The following GRM7 variants were observed in gnomAD, a reference collection of about 807,000 sequenced individuals.
GRM7 encodes the protein metabotropic glutamate receptor 7.
In GRM7, 35 loss-of-function variants were observed where a neutral mutation model predicts 84.5. The ratio of observed to expected loss-of-function variants is 0.41; its 90% CI spans 0.32 to 0.55. The LOEUF is 0.55. Ranked by LOEUF, GRM7 falls within the 20% of genes least tolerant of loss-of-function variation. The pLI, the probability that GRM7 is intolerant of heterozygous loss-of-function variation, is 0.19. For missense variants in GRM7, 1,003 were observed against 1,194.6 expected (o/e 0.84, Z 2.36); for synonymous variants, 487 against 455.1 (o/e 1.07, Z -0.89).
intron 8 of GRM7, among the ~76,000 whole-genome samples, chr3:7,665,168 C>CTTTTTTTT (rs34966790): frequency 3.9e-5 from 4 of 102,524 alleles, no homozygotes; most frequent in Admixed American, 1.0e-4. Context: ...GCCCATGATT[C>CTTTTTTTT]TTTTTTTTTT....
chr3:7,464,340 T>C (rs1018681943), intron 7 of GRM7, among the ~76,000 whole-genome samples: 12 of 152,130 alleles, frequency 7.9e-5, no homozygotes, highest in African/African-American at 2.7e-4. Flanking sequence ...AGAATCCCAA[T>C]TGGGATTATT....
intron 4 of GRM7, among the ~76,000 whole-genome samples, chr3:7,365,645 G>GTATATATA (rs201115893): frequency 1.1e-3 from 132 of 123,852 alleles, no homozygotes; most frequent in Admixed American, 3.7e-3. Flanking sequence ...GTGTGCGTGT[G>GTATATATA]TGTATATATA....
At chr3:7,464,451 A>G (rs563189916) in intron 7 of GRM7, among the ~76,000 whole-genome samples, 19 of 152,306 alleles carry the variant, frequency 1.2e-4, no homozygotes, top group Middle Eastern at 3.4e-3. Flanking sequence ...AACAATGTAA[A>G]CAACCTATAA....
At chr3:7,583,604 GT>G (rs1451127567) in intron 8 of GRM7, among the ~76,000 whole-genome samples, 8 of 152,260 alleles carry the variant, frequency 5.3e-5, no homozygotes, top group Non-Finnish European at 1.2e-4. Flanking sequence ...CTGTCATTGT[GT>G]GAAAACCAAT....
intron 1 of GRM7, among the ~76,000 whole-genome samples, chr3:6,971,130 G>C (rs1693736056): frequency 6.6e-6 from 1 of 151,118 alleles, no homozygotes; most frequent in Non-Finnish European, 1.5e-5. Context: ...CCGAGGGAGA[G>C]GATGCAAAAC....
At chr3:7,561,508 A>G (rs1382202417) in intron 7 of GRM7, 1 of 456,556 alleles carries the variant, frequency 2.2e-6, no homozygotes, top group South Asian at 1.5e-5. Context: ...GATAGAGACC[A>G]TTTGTGCCTG....
intron 1 of GRM7, among the ~76,000 whole-genome samples, chr3:6,888,247 T>G (rs1695782485): frequency 6.6e-6 from 1 of 152,168 alleles, no homozygotes; most frequent in Non-Finnish European, 1.5e-5. Flanking sequence ...TAGATCCCAT[T>G]TGTCAATTTT....
intron 8 of GRM7, among the ~76,000 whole-genome samples, chr3:7,669,646 A>G (rs1699843161): frequency 6.6e-6 from 1 of 152,202 alleles, no homozygotes; most frequent in Non-Finnish European, 1.5e-5. Flanking sequence ...CAGGGGATAG[A>G]AGCCTGACGA....
intron 2 of GRM7, among the ~76,000 whole-genome samples, chr3:7,178,024 G>C (rs778355714): frequency 4.6e-5 from 7 of 152,100 alleles, no homozygotes; most frequent in Non-Finnish European, 7.4e-5. Flanking sequence ...GCTCAGATTT[G>C]TTGATTAATT....
At position 7,468,611 on chromosome 3, in the gene GRM7, C is replaced by T. The variant is rs535491538; in HGVS notation, c.1515+6889C>T. Among the ~76,000 whole-genome samples, 14 of 152,242 alleles carry T rather than the reference C, an allele frequency of 9.2e-5. 1 individual carries two copies. The South Asian group carries it at 2.9e-3, about 32-fold the overall frequency. The stretch of plus-strand genomic sequence containing the variant: ...TTTGTCCCATGATGATATGGTTTGC[C>T]TGTGCCCCCACCCAAATCTCATCTT... On this transcript the variant is annotated intron_variant, in intron 7 of 9. Coordinates refer to ENST00000357716, the MANE Select transcript of GRM7 (RefSeq NM_000844.4).
intron 2 of GRM7, among the ~76,000 whole-genome samples, chr3:7,222,296 AGT>A: frequency 6.6e-6 from 1 of 152,198 alleles, no homozygotes; most frequent in South Asian, 2.1e-4. Flanking sequence ...AGATTAAGGT[AGT>A]GCTGTGAAGA....
chr3:7,071,077 C>T (rs960929122), intron 1 of GRM7, among the ~76,000 whole-genome samples: 3 of 152,054 alleles, frequency 2.0e-5, no homozygotes, highest in Non-Finnish European at 2.9e-5. Flanking sequence ...AAAGCTCAGC[C>T]TCCCTTTCTG....
chr3:7,156,898 G>A (rs1694467698), intron 2 of GRM7, among the ~76,000 whole-genome samples: 1 of 151,296 alleles, frequency 6.6e-6, no homozygotes, highest in Admixed American at 6.6e-5. Flanking sequence ...ACATTTTTGA[G>A]AATTAACCTC....
At chr3:7,139,424 T>C (rs1033443989) in intron 1 of GRM7, among the ~76,000 whole-genome samples, 4 of 151,872 alleles carry the variant, frequency 2.6e-5, no homozygotes, top group African/African-American at 9.7e-5. Flanking sequence ...GTTATTTAGT[T>C]AGAGAAGCAA....
chr3:6,900,470 C>G (rs1696343198), intron 1 of GRM7, among the ~76,000 whole-genome samples: 1 of 152,040 alleles, frequency 6.6e-6, no homozygotes. Context: ...AATACATAAT[C>G]TTGATATTAT....
chr3:7,098,123 C>T (rs1222773262), intron 1 of GRM7, among the ~76,000 whole-genome samples: 3 of 151,982 alleles, frequency 2.0e-5, no homozygotes, highest in Admixed American at 1.3e-4. Flanking sequence ...TTACAGTGGT[C>T]CCTTATTTCC....
At chr3:7,684,352 G>T (rs969549173) in intron 9 of GRM7, among the ~76,000 whole-genome samples, 6 of 151,974 alleles carry the variant, frequency 3.9e-5, no homozygotes, top group African/African-American at 1.5e-4. Context: ...TCTGAGGGAG[G>T]GTGTCTGAGA....
chr3:7,460,786 T>A (rs1698214838), intron 6 of GRM7, among the ~76,000 whole-genome samples: 1 of 152,220 alleles, frequency 6.6e-6, no homozygotes, highest in Non-Finnish European at 1.5e-5. Context: ...TGGTTAATAT[T>A]AAGGATTCTT....
chr3:7,047,187 G>T (rs1696836432), intron 1 of GRM7, among the ~76,000 whole-genome samples: 1 of 151,718 alleles, frequency 6.6e-6, no homozygotes, highest in African/African-American at 2.4e-5. Context: ...ATTTTCTATG[G>T]CTGCTTTTGC....
Sources: gnomAD v4.1 joint callset for allele counts (sites outside exome capture counted in the v4.1 genomes callset) on GRCh38, gnomAD v4.1.1 for gene constraint, MANE v1.5 for transcripts, NCBI Gene and HGNC (gene_info 2026-07-23, HGNC 2026-07-21) for gene names.